The following ZMYND15 variants were observed in gnomAD, a reference collection of about 807,000 sequenced individuals.
The protein encoded by ZMYND15 is zinc finger MYND-type containing 15, also known as zinc finger MYND domain-containing protein 15.
Under a neutral mutation model 81.7 loss-of-function variants are expected in ZMYND15, and 54 were observed. That is an observed-to-expected ratio of 0.66 (90% CI 0.53 to 0.83). The LOEUF (loss-of-function observed/expected upper bound fraction) is 0.83, where lower values mean the gene tolerates loss of function less well. Ranked by LOEUF, ZMYND15 falls within the 40% of genes least tolerant of loss-of-function variation. The pLI is 0.00. For synonymous variants in ZMYND15, 399 were observed against 387.0 expected (o/e 1.03, Z -0.36); for missense variants, 925 against 973.5 (o/e 0.95, Z 0.66).
At position 4,740,035 on chromosome 17, in the gene ZMYND15, G is replaced by C. The variant is rs936667550; in HGVS notation, c.-46G>C. On this transcript the variant is annotated 5_prime_UTR_variant, in exon 1 of 14. Coordinates refer to ENST00000433935, the MANE Select transcript of ZMYND15 (RefSeq NM_001136046.3). ...ACCGCGAGGTATTTACCTTCGAAAA[G>C]TGGTGGCGGCTGCAGGTACCGGAGG... The C allele has an allele frequency of 7.1e-6, 7 of 985,478 alleles. No homozygotes were observed. The African/African-American group carries it at 1.0e-4, about 15-fold the overall frequency. The allele number at this position is 985,478 out of a possible 1,614,324, so 61.0% of individuals were successfully genotyped here.
chr17:4,743,949 G>T lies in ZMYND15; in HGVS notation c.1379-42G>T. ...AGAGGTTTGTTAGACTAGAGGGGGT[G>T]GGGGTCCAGGGCCAGGTCCTCTAGC... On this transcript the variant is annotated intron_variant, in intron 7 of 13. Transcript: ENST00000433935. This position sits in a 1 kb window ranked among gnomAD's most constrained non-coding sequence, Gnocchi z 4.3. The T allele has an allele frequency of 6.4e-7, 1 of 1,557,340 alleles. No homozygotes were observed. Among genetic ancestry groups the T allele is most frequent in the East Asian group, 2.4e-5 (1 of 41,942 alleles).
In ZMYND15 at chr17:4,745,704, G is replaced by A; in HGVS notation, c.2058-115G>A. 1 of 406,152 alleles carries A rather than the reference G, an allele frequency of 2.5e-6. No homozygotes were observed. 25.2% of individuals were successfully genotyped at this position (406,152 alleles called of 1,614,324 possible). A position where few individuals can be genotyped will look rare whatever the true frequency, so the allele number is the denominator to read the frequency against. ...CCCGCCCCCTGGTCCCTGACCGCCC[G>A]GTGGAGCCCCGCCCCCTGGTCCCTG... is the stretch of plus-strand genomic sequence containing the variant. On this transcript the variant is annotated intron_variant, in intron 13 of 13. Transcript: ENST00000433935. The surrounding 1 kb of genome is among the most constrained non-coding windows in gnomAD (Gnocchi z 5.2).
chr17:4,744,475 C>A lies in ZMYND15; in HGVS notation c.1683+8C>A, dbSNP rs1916575778. ...CATTTTACCCTGCAGAGGGTGAGGGCTGAGGGGGCCCTGCTTTTCAGCCCT... is the reference window on the plus strand; with the variant it reads ...CATTTTACCCTGCAGAGGGTGAGGGATGAGGGGGCCCTGCTTTTCAGCCCT... On this transcript the variant is annotated splice_region_variant and intron_variant, in intron 10 of 13. Transcript: ENST00000433935. The surrounding 1 kb of genome is among the most constrained non-coding windows in gnomAD (Gnocchi z 4.1). The A allele has an allele frequency of 1.9e-6, 3 of 1,613,706 alleles. No individual in the cohort carries two copies. Among genetic ancestry groups the A allele is most frequent in the East Asian group, 4.5e-5 (2 of 44,882 alleles).
At position 4,741,992 on chromosome 17, in the gene ZMYND15, G is replaced by C. The variant is rs1189151875; in HGVS notation, c.905G>C (p.Gly302Ala). Residue 302 changes from glycine (G) to alanine (A), a missense_variant, in exon 4 of 14, where the codon GGC (glycine) becomes GCC (alanine). Gly to Ala is a moderately conservative substitution (Grantham distance 60). Coordinates refer to ENST00000433935, the MANE Select transcript of ZMYND15 (RefSeq NM_001136046.3). ...TPMRTWGPRP[G>A]FTFASLRART... is the part of the protein sequence containing the mutation. ...ATGCGGACATGGGGTCCCCGGCCAGGCTTCACCTTTGCTTCCCTTCGTGCT... is the reference window on the plus strand; with the variant it reads ...ATGCGGACATGGGGTCCCCGGCCAGCCTTCACCTTTGCTTCCCTTCGTGCT... 2.5e-6 allele frequency: 4 copies of C among 1,614,188 alleles called. No homozygotes were observed. Among genetic ancestry groups the C allele is most frequent in the East Asian group, 2.2e-5 (1 of 44,882 alleles).
At position 4,740,570 on chromosome 17, in the gene ZMYND15, C is replaced by T. The variant is rs1439916949; in HGVS notation, c.22C>T (p.Arg8Trp). The T allele has an allele frequency of 5.6e-6, 9 of 1,602,468 alleles. No homozygotes were observed. The highest frequency in any genetic ancestry group is 5.4e-5 in the African/African-American group (4 of 74,710). The stretch of plus-strand genomic sequence containing the variant: ...AGACATGGAGTTTGTGTCTGGATAC[C>T]GGGATGAGTTCCTTGATTTCACTGC... MEFVSGY[R>W]DEFLDFTALL... is the part of the protein sequence containing the mutation. The change falls in exon 2 of 14, where the codon CGG becomes TGG. Residue 8 changes from arginine to tryptophan, a missense_variant. Arg to Trp is a moderately radical substitution (Grantham distance 101, BLOSUM62 -3). Transcript: ENST00000433935.
In ZMYND15 at chr17:4,741,509, T is replaced by C. The variant is rs1284872317; in HGVS notation, c.593-73T>C. ...TGCCTAGCCCCGTAGGTATTTGAGTTTGGTACTCCTGACCCTGACCACATT... is the reference window on the plus strand; with the variant it reads ...TGCCTAGCCCCGTAGGTATTTGAGTCTGGTACTCCTGACCCTGACCACATT... On this transcript the variant is annotated intron_variant, in intron 2 of 13. Coordinates refer to ENST00000433935, the MANE Select transcript of ZMYND15 (RefSeq NM_001136046.3). The C allele has an allele frequency of 7.1e-6, 11 of 1,540,662 alleles. No individual in the cohort carries two copies. In the South Asian group the frequency reaches 9.1e-5, roughly 13 times the overall value.
chr17:4,739,982 A>C lies in ZMYND15; in HGVS notation c.-99A>C. 2 of 985,220 alleles carry C rather than the reference A, an allele frequency of 2.0e-6. No individual in the cohort carries two copies. Among genetic ancestry groups the C allele is most frequent in the Non-Finnish European group, 2.4e-6 (2 of 829,888 alleles). The allele number at this position is 985,220 out of a possible 1,614,324, so 61.0% of individuals were successfully genotyped here. ...GCCGGCGAGGGCTCGGGCAGCCCTG[A>C]CGTCACAACCGCACCCGCGCACCCT... is the stretch of plus-strand genomic sequence containing the variant. On this transcript the variant is annotated 5_prime_UTR_variant, in exon 1 of 14. Coordinates refer to ENST00000433935, the MANE Select transcript of ZMYND15 (RefSeq NM_001136046.3). This position sits in a 1 kb window ranked among gnomAD's most constrained non-coding sequence, Gnocchi z 5.3.
chr17:4,741,648 T>C lies in ZMYND15; in HGVS notation c.659T>C (p.Ile220Thr). The C allele has an allele frequency of 6.2e-7, 1 of 1,614,156 alleles. No homozygotes were observed. The highest frequency in any genetic ancestry group is 8.5e-7 in the Non-Finnish European group (1 of 1,180,022). The change falls in exon 3 of 14, where the codon ATT becomes ACT. Residue 220 changes from isoleucine to threonine, a missense_variant. Coordinates refer to ENST00000433935, the MANE Select transcript of ZMYND15 (RefSeq NM_001136046.3). The part of the protein sequence containing the change: ...VTDEHGTILG[I>T]DLLVDGAQGT... ...GATGAGCATGGCACCATCTTGGGCATTGATCTGCTAGTGGATGGAGCCCAG... is the reference window on the plus strand; with the variant it reads ...GATGAGCATGGCACCATCTTGGGCACTGATCTGCTAGTGGATGGAGCCCAG...
rs1413682544 is a variant in ZMYND15 at position 4,744,132 on chromosome 17, G to A, written c.1495+25G>A. The A allele has an allele frequency of 6.2e-7, 1 of 1,611,562 alleles. No individual in the cohort carries two copies. The highest frequency in any genetic ancestry group is 1.7e-5 in the Admixed American group (1 of 59,566). ...TGTAAGGAGAGCGGAGTGGGGGGTGGAGCAGGATGGGGGAGTGAGAGTGGA... is the reference window on the plus strand; with the variant it reads ...TGTAAGGAGAGCGGAGTGGGGGGTGAAGCAGGATGGGGGAGTGAGAGTGGA... On this transcript the variant is annotated intron_variant, in intron 8 of 13. Coordinates refer to ENST00000433935, the MANE Select transcript of ZMYND15 (RefSeq NM_001136046.3). The surrounding 1 kb of genome is among the most constrained non-coding windows in gnomAD (Gnocchi z 4.1).
Position 4,745,175 on chromosome 17 carries a change from T to G in ZMYND15, c.1897-40T>G. 6.2e-7 allele frequency: 1 copy of G among 1,613,452 alleles called. No homozygotes were observed. Among genetic ancestry groups the G allele is most frequent in the Non-Finnish European group, 8.5e-7 (1 of 1,179,716 alleles). On this transcript the variant is annotated intron_variant, in intron 12 of 13. Coordinates refer to ENST00000433935, the MANE Select transcript of ZMYND15 (RefSeq NM_001136046.3). This position sits in a 1 kb window ranked among gnomAD's most constrained non-coding sequence, Gnocchi z 5.2. ...GTCATTCTGGCTGCTGGGATGGATTTGGGGAGGGGCCTCTCAGAGCGACTC... is the reference window on the plus strand; with the variant it reads ...GTCATTCTGGCTGCTGGGATGGATTGGGGGAGGGGCCTCTCAGAGCGACTC...
At position 4,744,113 on chromosome 17, in the gene ZMYND15, G is replaced by A. The variant is rs1162410962; in HGVS notation, c.1495+6G>A. 6.2e-7 allele frequency: 1 copy of A among 1,604,804 alleles called. No individual in the cohort carries two copies. The highest frequency in any genetic ancestry group is 1.3e-5 in the African/African-American group (1 of 74,708). On this transcript the variant is annotated splice_donor_region_variant and intron_variant, in intron 8 of 13. Transcript: ENST00000433935. The surrounding 1 kb of genome is among the most constrained non-coding windows in gnomAD (Gnocchi z 4.1). ...CCACCTGGTGCCCCAGTCCTGTAAG[G>A]AGAGCGGAGTGGGGGGTGGAGCAGG...
At chr17:4,741,494 C>G in intron 2 of ZMYND15, 88 bp from the exon 3 acceptor site, 1 of 1,426,532 alleles carries the variant, frequency 7.0e-7, no homozygotes, top group Non-Finnish European at 9.8e-7. Context: ...TGCCTAGCCC[C>G]GTAGGTATTT....
Position 4,745,946 on chromosome 17 carries a change from C to T in ZMYND15, c.2185C>T (p.Arg729Ter). Residue 729 changes from arginine (R) to a stop codon, truncating the protein, a stop_gained, in exon 14 of 14, where the codon CGA becomes TGA. Transcript: ENST00000433935. LOFTEE classifies it high-confidence loss of function. This position sits in a 1 kb window ranked among gnomAD's most constrained non-coding sequence, Gnocchi z 5.2. ...SAPPAPTRRR[R>*]GEKKPGRGAR... ...TCCTCCTGCCCCCACCCGAAGGCGC[C>T]GAGGAGAAAAGAAACCTGGGCGGGG... The T allele has an allele frequency of 6.8e-7, 1 of 1,471,620 alleles. No homozygotes were observed. Among genetic ancestry groups the T allele is most frequent in the Non-Finnish European group, 9.0e-7 (1 of 1,116,094 alleles). The allele number at this position is 1,471,620 out of a possible 1,614,324, so 91.2% of individuals were successfully genotyped here.
Position 4,741,501 on chromosome 17 carries a change from A to G in ZMYND15, c.593-81A>G, listed in dbSNP as rs189898402. The G allele has an allele frequency of 3.0e-3, 4,406 of 1,480,054 alleles. 18 individuals are homozygous for G. Among genetic ancestry groups the G allele is most frequent in the Non-Finnish European group, 3.2e-3 (3,361 of 1,063,734 alleles). 91.7% of individuals were successfully genotyped at this position (1,480,054 alleles called of 1,614,324 possible). ...AGGTTACTTGCCTAGCCCCGTAGGTATTTGAGTTTGGTACTCCTGACCCTG... is the reference window on the plus strand; with the variant it reads ...AGGTTACTTGCCTAGCCCCGTAGGTGTTTGAGTTTGGTACTCCTGACCCTG... On this transcript the variant is annotated intron_variant, in intron 2 of 13. Transcript: ENST00000433935.
At chr17:4,742,289 C>G in intron 4 of ZMYND15, 42 bp from the exon 5 acceptor site, 1 of 1,607,078 alleles carries the variant, frequency 6.2e-7, no homozygotes, top group Non-Finnish European at 8.5e-7. Context: ...ACAGGACCTA[C>G]AGAGGTTAAC....
rs1474548662 is a variant in ZMYND15, at chr17:4,746,065, G to A, written c.*75G>A. On this transcript the variant is annotated 3_prime_UTR_variant, in exon 14 of 14. Transcript: ENST00000433935. Reference sequence around the variant, plus strand: ...TGAAAACACTCAAGGCCTAGGGGGAGGACAGGTTGGTAAAACATGAAAAGG... The same window carrying A: ...TGAAAACACTCAAGGCCTAGGGGGAAGACAGGTTGGTAAAACATGAAAAGG... The A allele has an allele frequency of 1.4e-4, 182 of 1,323,194 alleles. 3 individuals are homozygous for A. Among genetic ancestry groups the A allele is most frequent in the Non-Finnish European group, 1.5e-5 (15 of 1,023,576 alleles). 82.0% of individuals were successfully genotyped at this position (1,323,194 alleles called of 1,614,324 possible). A position where few individuals can be genotyped will look rare whatever the true frequency, so the allele number is the denominator to read the frequency against.
In ZMYND15 at chr17:4,744,296, T is replaced by C. The variant is rs754127630; in HGVS notation, c.1584+18T>C. The C allele has an allele frequency of 6.2e-6, 10 of 1,613,960 alleles. No individual in the cohort carries two copies. The highest frequency in any genetic ancestry group is 8.5e-6 in the Non-Finnish European group (10 of 1,179,968). On this transcript the variant is annotated intron_variant, in intron 9 of 13. Coordinates refer to ENST00000433935, the MANE Select transcript of ZMYND15 (RefSeq NM_001136046.3). This position sits in a 1 kb window ranked among gnomAD's most constrained non-coding sequence, Gnocchi z 4.1. ...TGTTTTGGGTAAGTCACCCCAGGCC[T>C]GAAGGTTGGGCATTTTGGTATGGGG...
chr17:4,745,892 C>G lies in ZMYND15; in HGVS notation c.2131C>G (p.Pro711Ala). 3 of 1,554,482 alleles carry G rather than the reference C, an allele frequency of 1.9e-6. No individual in the cohort carries two copies. Among genetic ancestry groups the G allele is most frequent in the East Asian group, 2.5e-5 (1 of 40,392 alleles). ...GAGCGGGGCCCGCCCGGCGCCCGGG[C>G]CCCCACCCCCATCCCCAACTCCCTC... is the stretch of plus-strand genomic sequence containing the variant. ...QGSGARPAPG[P>A]PPPSPTPSAP... The change falls in exon 14 of 14, where the codon CCC (proline) becomes GCC (alanine). Residue 711 changes from proline to alanine, a missense_variant. Coordinates refer to ENST00000433935, the MANE Select transcript of ZMYND15 (RefSeq NM_001136046.3). The surrounding 1 kb of genome is among the most constrained non-coding windows in gnomAD (Gnocchi z 5.2).
chr17:4,744,754 G>A lies in ZMYND15; in HGVS notation c.1813G>A (p.Gly605Arg). 7 of 1,614,160 alleles carry A rather than the reference G, an allele frequency of 4.3e-6. No homozygotes were observed. Among genetic ancestry groups the A allele is most frequent in the Non-Finnish European group, 5.9e-6 (7 of 1,180,014 alleles). The change falls in exon 11 of 14, where the codon GGG (glycine) becomes AGG (arginine). Residue 605 changes from glycine (G) to arginine (R), a missense_variant. Gly to Arg is a moderately radical substitution (Grantham distance 125). Transcript: ENST00000433935. The surrounding 1 kb of genome is among the most constrained non-coding windows in gnomAD (Gnocchi z 4.1). ...VSARPYHLFQ[G>R]PKPDLVIGFN... Reference sequence around the variant, plus strand: ...AGCAAGGCCCTACCACCTGTTCCAGGGGCCCAAGCCTGACCTGGTTATTGG... The same window carrying A: ...AGCAAGGCCCTACCACCTGTTCCAGAGGCCCAAGCCTGACCTGGTTATTGG...
Sources: allele counts gnomAD v4.1 joint callset, GRCh38; gene constraint gnomAD v4.1.1; non-coding constraint Gnocchi (gnomAD v3.1); transcripts MANE v1.5; gene names NCBI Gene and HGNC (gene_info 2026-07-23, HGNC 2026-07-21).